The following TULP4 variants were observed in gnomAD, a reference collection of about 807,000 sequenced individuals.
The protein encoded by TULP4 is tubby-related protein 4.
In TULP4, 16 loss-of-function variants were observed where a neutral mutation model predicts 129.0. That is an observed-to-expected ratio of 0.12 (90% CI 0.08 to 0.19). The LOEUF (loss-of-function observed/expected upper bound fraction) is 0.19. Ranked by LOEUF, TULP4 falls within the 10% of genes least tolerant of loss-of-function variation. The pLI is 1.00. For synonymous variants in TULP4, 998 were observed against 854.0 expected (o/e 1.17, Z -2.94); for missense variants, 1,842 against 2,059.1 (o/e 0.89, Z 2.04).
chr6:158,278,952 T>C (rs1469072117), upstream of TULP4, among the ~76,000 whole-genome samples: 1 of 149,934 alleles, frequency 6.7e-6, no homozygotes, highest in Non-Finnish European at 1.5e-5. Context: ...TTTTTTTTTT[T>C]TTTTTGAGAC....
In TULP4 at chr6:158,496,191, C is replaced by T. The variant is rs547009483; in HGVS notation, c.1870+1345C>T. Reference sequence around the variant, plus strand: ...TCCCAGTTGCAGAATCACTGCATGTCGTACACGTCTGTCTGCAAGGCCAGC... The same window carrying T: ...TCCCAGTTGCAGAATCACTGCATGTTGTACACGTCTGTCTGCAAGGCCAGC... On this transcript the variant is annotated intron_variant, in intron 11 of 13. Coordinates refer to ENST00000367097, the MANE Select transcript of TULP4 (RefSeq NM_020245.5). Among the ~76,000 whole-genome samples, 20 of 152,320 alleles carry T rather than the reference C, an allele frequency of 1.3e-4. No homozygotes were observed. In the South Asian group the frequency reaches 4.1e-3, roughly 32 times the overall value.
At chr6:158,232,711 C>T (rs1279204945) in intron 1 of TULP4, among the ~76,000 whole-genome samples, 1 of 152,068 alleles carries the variant, frequency 6.6e-6, no homozygotes, top group African/African-American at 2.4e-5. Context: ...AACGGTTTCC[C>T]CAGGGAGACT....
intron 8 of TULP4, among the ~76,000 whole-genome samples, chr6:158,488,113 ATAG>A (rs1459291898): frequency 1.3e-5 from 2 of 152,178 alleles, no homozygotes; most frequent in African/African-American, 4.8e-5. Context: ...AAAAAAGAAA[ATAG>A]TAGTTTTGAG....
At chr6:158,261,912 T>A (rs906989340) in intron 1 of TULP4, among the ~76,000 whole-genome samples, 2 of 152,162 alleles carry the variant, frequency 1.3e-5, no homozygotes, top group African/African-American at 4.8e-5. Context: ...ATCTTCCAGA[T>A]GAGCTAGACC....
At chr6:158,273,741 CTG>C (rs1275189154) in intron 1 of TULP4, among the ~76,000 whole-genome samples, 1 of 152,212 alleles carries the variant, frequency 6.6e-6, no homozygotes, top group Non-Finnish European at 1.5e-5. Flanking sequence ...CACAAATAAT[CTG>C]TCTGGTCCTA....
upstream of TULP4, among the ~76,000 whole-genome samples, chr6:158,278,386 A>AT (rs1778683089): frequency 9.5e-5 from 14 of 147,190 alleles, no homozygotes; most frequent in South Asian, 3.0e-3. Context: ...AGAAAATACT[A>AT]GTTTTTTTTT....
chr6:158,365,644 T>G (rs1240319584), intron 1 of TULP4, among the ~76,000 whole-genome samples: 1 of 151,050 alleles, frequency 6.6e-6, no homozygotes, highest in East Asian at 2.0e-4. Context: ...GCCCAGCTAA[T>G]TTTTTGTTAG....
rs1780546968 is a variant in TULP4, at chr6:158,504,307, C to T, written c.4515+129C>T. ...AACAACGAACACCTCTTAGGTGGAGCTCATGGGGTTATGGTTTTTAGTGTG... is the reference window on the plus strand; with the variant it reads ...AACAACGAACACCTCTTAGGTGGAGTTCATGGGGTTATGGTTTTTAGTGTG... On this transcript the variant is annotated intron_variant, in intron 13 of 13. Coordinates refer to ENST00000367097, the MANE Select transcript of TULP4 (RefSeq NM_020245.5). 4.0e-6 allele frequency: 3 copies of T among 756,170 alleles called. No homozygotes were observed. The South Asian group carries it at 6.0e-5, about 15-fold the overall frequency. 46.8% of individuals were successfully genotyped at this position (756,170 alleles called of 1,614,324 possible).
At chr6:158,314,903 A>G (rs932390341) in intron 1 of TULP4, among the ~76,000 whole-genome samples, 8 of 152,210 alleles carry the variant, frequency 5.3e-5, no homozygotes, top group African/African-American at 1.9e-4. Flanking sequence ...AAGCAGTGGG[A>G]TTATGAAATT....
chr6:158,331,526 A>G (rs1221679875), intron 1 of TULP4, among the ~76,000 whole-genome samples: 1 of 151,220 alleles, frequency 6.6e-6, no homozygotes, highest in East Asian at 2.0e-4. Context: ...TAGCTTAACA[A>G]GATGTTTCAG....
chr6:158,485,578 C>G (rs938853731), intron 8 of TULP4, among the ~76,000 whole-genome samples: 1 of 152,186 alleles, frequency 6.6e-6, no homozygotes, highest in Non-Finnish European at 1.5e-5. Context: ...AGAAAAATAA[C>G]CTTGAAAGTG....
At chr6:158,410,571 G>A (rs341164) in intron 1 of TULP4, among the ~76,000 whole-genome samples, 37,046 of 152,130 alleles carry the variant, frequency 0.24, 5,720 homozygotes, top group Non-Finnish European at 0.35. Flanking sequence ...AAGTACATGA[G>A]TGACTATGGG....
chr6:158,333,295 A>T (rs1779954094), intron 1 of TULP4, among the ~76,000 whole-genome samples: 2 of 152,188 alleles, frequency 1.3e-5, no homozygotes, highest in African/African-American at 4.8e-5. Flanking sequence ...TCGTGATGAG[A>T]TTAGTGCCCT....
intron 13 of TULP4, among the ~76,000 whole-genome samples, chr6:158,505,229 A>G (rs966506622): frequency 2.6e-5 from 4 of 152,076 alleles, no homozygotes; most frequent in African/African-American, 9.7e-5. Flanking sequence ...CCCCTTCACC[A>G]TCCTGTAAAG....
At chr6:158,441,144 C>A (rs1244494825) in intron 3 of TULP4, among the ~76,000 whole-genome samples, 3 of 152,030 alleles carry the variant, frequency 2.0e-5, no homozygotes, top group Non-Finnish European at 4.4e-5. Context: ...GGTGAAACCC[C>A]GTATCTATTA....
chr6:158,251,981 CTCT>C (rs1262196678), intron 1 of TULP4, among the ~76,000 whole-genome samples: 4 of 152,250 alleles, frequency 2.6e-5, no homozygotes, highest in Non-Finnish European at 4.4e-5. Flanking sequence ...TCTAGCAGAA[CTCT>C]CAGGCTGCAG....
chr6:158,341,098 C>T (rs1780171011), intron 1 of TULP4, among the ~76,000 whole-genome samples: 1 of 152,162 alleles, frequency 6.6e-6, no homozygotes, highest in Admixed American at 6.5e-5. Context: ...CACAACCCTT[C>T]CCAGCTTCTG....
intron 6 of TULP4, among the ~76,000 whole-genome samples, chr6:158,475,129 G>A (rs1179641838): frequency 6.6e-6 from 1 of 152,266 alleles, no homozygotes; most frequent in East Asian, 1.9e-4. Flanking sequence ...TAAGGAACGG[G>A]CACCAGGCCT....
chr6:158,336,409 T>C (rs1433460203), intron 1 of TULP4, among the ~76,000 whole-genome samples: 3 of 149,826 alleles, frequency 2.0e-5, no homozygotes, highest in Admixed American at 6.6e-5. Context: ...TTTTTTGCCA[T>C]GCAGAAGGTT....
Sources: allele counts gnomAD v4.1 joint callset (sites outside exome capture counted in the v4.1 genomes callset), GRCh38; gene constraint gnomAD v4.1.1; transcripts MANE v1.5; gene names NCBI Gene and HGNC (gene_info 2026-07-23, HGNC 2026-07-21).